SLC22A24: variants seen among roughly 807,000 people sequenced by gnomAD.
The protein encoded by SLC22A24 is solute carrier family 22 member 24.
In SLC22A24, 53 loss-of-function variants were observed where a neutral mutation model predicts 49.8. The ratio of observed to expected loss-of-function variants is 1.06; its 90% CI spans 0.85 to 1.34. SLC22A24 has a LOEUF of 1.34. Ranked by LOEUF, SLC22A24 falls within the 40% of genes most tolerant of loss-of-function variation. The probability of loss-of-function intolerance (pLI) is 0.00; values close to 1 mark genes in which losing one functional copy is unlikely to be tolerated. For synonymous variants in SLC22A24, 302 were observed against 256.4 expected (o/e 1.18, Z -1.70); for missense variants, 786 against 675.9 (o/e 1.16, Z -1.81).
At chr11:63,082,484 G>A (rs982590731) in intron 7 of SLC22A24, among the ~76,000 whole-genome samples, 4 of 152,182 alleles carry the variant, frequency 2.6e-5, no homozygotes, top group Non-Finnish European at 4.4e-5. Context: ...TTCCTGCTCT[G>A]GGAGATGAGT....
In SLC22A24 at chr11:63,143,818, A is replaced by C. The variant is rs1290476637; in HGVS notation, c.-39T>G. 1 of 1,323,912 alleles carries C rather than the reference A, an allele frequency of 7.6e-7. No individual in the cohort carries two copies. The allele number at this position is 1,323,912 out of a possible 1,614,324, so 82.0% of individuals were successfully genotyped here. On this transcript the variant is annotated 5_prime_UTR_variant, in exon 1 of 10. Coordinates refer to ENST00000612278, the MANE Select transcript of SLC22A24 (RefSeq NM_001136506.2). ...GTGATCCCCAAGAGGAAGCACAATG[A>C]CTTTATGAAGAGAAGTTCAGAGGGA... is the stretch of plus-strand genomic sequence containing the variant.
intron 1 of SLC22A24, among the ~76,000 whole-genome samples, chr11:63,139,775 G>T (rs72920296): frequency 0.052 from 7,877 of 152,272 alleles, 315 homozygotes; most frequent in Middle Eastern, 0.082. Flanking sequence ...GCCTTCAGCT[G>T]TGATTAGGCC....
chr11:63,138,391 C>T (rs2087390460), intron 1 of SLC22A24, among the ~76,000 whole-genome samples: 1 of 151,958 alleles, frequency 6.6e-6, no homozygotes, highest in Non-Finnish European at 1.5e-5. Context: ...ACCTGTAATC[C>T]CAGCACTTTT....
At chr11:63,095,496 G>A (rs2087048424) in intron 6 of SLC22A24, among the ~76,000 whole-genome samples, 2 of 152,044 alleles carry the variant, frequency 1.3e-5, no homozygotes, top group African/African-American at 4.8e-5. Context: ...TCAAGAACCA[G>A]CAAATGTAAT....
chr11:63,108,943 C>T (rs531378714), intron 4 of SLC22A24, among the ~76,000 whole-genome samples: 1 of 143,406 alleles, frequency 7.0e-6, no homozygotes, highest in Non-Finnish European at 1.5e-5. Context: ...TGTGCTGCAC[C>T]CACTAACTCG....
At position 63,113,035 on chromosome 11, in the gene SLC22A24, A is replaced by AT. The variant is rs1236634395; in HGVS notation, c.830+5876_830+5877insA. 7.5e-3 allele frequency among the ~76,000 whole-genome samples: 113 copies of AT among 15,108 alleles called. 24 individuals are homozygous for AT. The highest frequency in any genetic ancestry group is 8.4e-3 in the Non-Finnish European group (74 of 8,784). The allele number at this position is 15,108 out of a possible 152,430, so 9.9% of individuals were successfully genotyped here. A position where few individuals can be genotyped will look rare whatever the true frequency, so the allele number is the denominator to read the frequency against. On this transcript the variant is annotated intron_variant, in intron 4 of 9. Transcript: ENST00000612278. Reference sequence around the variant, plus strand: ...TCAAAAAAAAAAAAAAAAAAAAAAAAATATATATATATATATATACATATA... The same window carrying AT: ...TCAAAAAAAAAAAAAAAAAAAAAAAATATATATATATATATATATACATATA...
chr11:63,097,046 G>T (rs1037863819), intron 5 of SLC22A24, among the ~76,000 whole-genome samples: 1 of 151,904 alleles, frequency 6.6e-6, no homozygotes, highest in Non-Finnish European at 1.5e-5. Flanking sequence ...TTTAGTGCAG[G>T]ATATGGGAGA....
chr11:63,110,386 A>G (rs2087154265), intron 4 of SLC22A24, among the ~76,000 whole-genome samples: 1 of 152,066 alleles, frequency 6.6e-6, no homozygotes, highest in East Asian at 1.9e-4. Context: ...TGTGTGAAGA[A>G]AGTCATTGGT....
At chr11:63,113,731 G>C (rs1053993361) in intron 4 of SLC22A24, among the ~76,000 whole-genome samples, 3 of 151,652 alleles carry the variant, frequency 2.0e-5, no homozygotes, top group Admixed American at 2.0e-4. Flanking sequence ...GCACATGCCT[G>C]TAGTCCCAGC....
chr11:63,138,700 A>G (rs2087393509), intron 1 of SLC22A24, among the ~76,000 whole-genome samples: 1 of 151,980 alleles, frequency 6.6e-6, no homozygotes, highest in Non-Finnish European at 1.5e-5. Flanking sequence ...CCTTCTGGGA[A>G]AAGCAATAGA....
rs967281924 is a variant in SLC22A24 at position 63,128,709 on chromosome 11, C to T, written c.506+5956G>A. ...GCCTCAGCTGCCAAATTGGGAAGGG[C>T]CCCCGTCCAGTGGACACATGACCCA... On this transcript the variant is annotated intron_variant, in intron 2 of 9. Coordinates refer to ENST00000612278, the MANE Select transcript of SLC22A24 (RefSeq NM_001136506.2). Among the ~76,000 whole-genome samples the T allele has an allele frequency of 2.6e-5, 4 of 151,940 alleles. No homozygotes were observed. In the East Asian group the frequency reaches 7.8e-4, roughly 29 times the overall value.
chr11:63,087,008 T>C (rs1259027401), intron 6 of SLC22A24, among the ~76,000 whole-genome samples: 7 of 125,486 alleles, frequency 5.6e-5, no homozygotes, highest in Admixed American at 5.5e-4. Context: ...GAATTAAGCT[T>C]TTCTGCCTGG....
intron 6 of SLC22A24, among the ~76,000 whole-genome samples, chr11:63,084,601 G>C (rs555910443): frequency 6.6e-6 from 1 of 152,044 alleles, no homozygotes; most frequent in Non-Finnish European, 1.5e-5. Flanking sequence ...TTACATAAAG[G>C]CACCCAGGGA....
At chr11:63,080,096 C>A in intron 9 of SLC22A24, 96 bp from the exon 10 acceptor site, 2 of 722,452 alleles carry the variant, frequency 2.8e-6, no homozygotes, top group Non-Finnish European at 4.7e-6. Context: ...TGAGGACAAG[C>A]TGCCCTCTAC....
intron 4 of SLC22A24, among the ~76,000 whole-genome samples, chr11:63,104,908 A>G (rs867194980): frequency 7.9e-5 from 12 of 152,226 alleles, no homozygotes; most frequent in Non-Finnish European, 1.3e-4. Flanking sequence ...TCCACAGTCC[A>G]AAGTCTCTTC....
At chr11:63,099,768 G>A (rs1032121894) in intron 5 of SLC22A24, among the ~76,000 whole-genome samples, 3 of 151,934 alleles carry the variant, frequency 2.0e-5, no homozygotes, top group Admixed American at 2.0e-4. Flanking sequence ...AGGATGGTTC[G>A]ACATATGCAA....
At chr11:63,081,179 C>G in intron 8 of SLC22A24, 56 bp from the exon 9 acceptor site, 1 of 1,408,940 alleles carries the variant, frequency 7.1e-7, no homozygotes, top group Admixed American at 2.0e-5. Flanking sequence ...CATGTCAGCT[C>G]TTTATCATCA....
rs148778059 is a variant in SLC22A24 at position 63,087,021 on chromosome 11, G to GGC, written c.1071-3566_1071-3565dup. Reference sequence around the variant, plus strand: ...ATGAATTAAGCTTTTCTGCCTGGAGGGCGCACACACACACACACACACACA... The same window carrying GGC: ...ATGAATTAAGCTTTTCTGCCTGGAGGGCGCGCACACACACACACACACACACA... On this transcript the variant is annotated intron_variant, in intron 6 of 9. Transcript: ENST00000612278. 8.4e-4 allele frequency among the ~76,000 whole-genome samples: 95 copies of GGC among 113,694 alleles called. 1 individual carries two copies. The highest frequency in any genetic ancestry group is 1.9e-3 in the African/African-American group (60 of 31,942). The allele number at this position is 113,694 out of a possible 152,430, so 74.6% of individuals were successfully genotyped here. A position where few individuals can be genotyped will look rare whatever the true frequency, so the allele number is the denominator to read the frequency against.
At chr11:63,097,378 C>A (rs1229800444) in intron 5 of SLC22A24, among the ~76,000 whole-genome samples, 2 of 152,140 alleles carry the variant, frequency 1.3e-5, no homozygotes, top group African/African-American at 4.8e-5. Context: ...CAGTAAGTTA[C>A]CATCTCATGC....
Sources: allele counts gnomAD v4.1 joint callset (sites outside exome capture counted in the v4.1 genomes callset), GRCh38; gene constraint gnomAD v4.1.1; transcripts MANE v1.5; gene names NCBI Gene and HGNC (gene_info 2026-07-23, HGNC 2026-07-21).